CDH18: variants seen among roughly 807,000 people sequenced by gnomAD.
CDH18 encodes cadherin-18.
Under a neutral mutation model 67.9 loss-of-function variants are expected in CDH18, and 31 were observed. The observed-to-expected ratio is 0.46, with a 90% CI of 0.34 to 0.62. CDH18 has a LOEUF of 0.62. Among genes scored for constraint, CDH18 ranks in the 20% least tolerant of loss-of-function variants. The pLI is 0.01. For missense variants in CDH18, 890 were observed against 975.5 expected (o/e 0.91, Z 1.17); for synonymous variants, 362 against 347.2 (o/e 1.04, Z -0.48).
intron 5 of CDH18, among the ~76,000 whole-genome samples, chr5:19,697,071 C>T (rs969853420): frequency 1.3e-5 from 2 of 152,134 alleles, no homozygotes; most frequent in Non-Finnish European, 2.9e-5. Flanking sequence ...AGTGAGTTTG[C>T]TTCTACAAGA....
intron 2 of CDH18, among the ~76,000 whole-genome samples, chr5:19,956,321 TC>T (rs1796253429): frequency 6.6e-6 from 1 of 151,992 alleles, no homozygotes; most frequent in African/African-American, 2.4e-5. Flanking sequence ...TCAATTTTAA[TC>T]TTTTTGATCT....
intron 2 of CDH18, among the ~76,000 whole-genome samples, chr5:20,071,644 A>T (rs1477192252): frequency 6.6e-6 from 1 of 152,144 alleles, no homozygotes; most frequent in Non-Finnish European, 1.5e-5. Flanking sequence ...AATTTGAGCT[A>T]TTGATAGTTA....
At chr5:19,946,990 A>G (rs1795334202) in intron 2 of CDH18, among the ~76,000 whole-genome samples, 1 of 152,166 alleles carries the variant, frequency 6.6e-6, no homozygotes, top group South Asian at 2.1e-4. Context: ...ATTATTTACA[A>G]TCATATCAAT....
chr5:19,810,164 T>C (rs538066413), intron 3 of CDH18, among the ~76,000 whole-genome samples: 127 of 151,918 alleles, frequency 8.4e-4, no homozygotes, highest in African/African-American at 3.0e-3. Flanking sequence ...ACCCCATCTC[T>C]ACTAAAAATA....
rs918505736 is a variant in CDH18 at position 20,420,999 on chromosome 5, G to T, written c.-580+154463C>A. Among the ~76,000 whole-genome samples the T allele has an allele frequency of 1.1e-4, 17 of 151,026 alleles. 1 individual carries two copies. The highest frequency in any genetic ancestry group is 4.2e-4 in the African/African-American group (17 of 40,448). On this transcript the variant is annotated intron_variant, in intron 1 of 14. Transcript: ENST00000507958. ...GTTTGTTTTTTCCTGCTTTAATAAG[G>T]CTTGATTGTTCCTTCTTTTAAGGTG...
At chr5:19,761,276 C>A (rs1489396833) in intron 3 of CDH18, among the ~76,000 whole-genome samples, 1 of 152,188 alleles carries the variant, frequency 6.6e-6, no homozygotes. Flanking sequence ...GAGATAGAAT[C>A]TCTCAGTTCA....
At chr5:19,540,089 G>C (rs1750008825) in intron 9 of CDH18, among the ~76,000 whole-genome samples, 2 of 148,854 alleles carry the variant, frequency 1.3e-5, no homozygotes, top group African/African-American at 5.2e-5. Context: ...TTACTTCCTA[G>C]ACACAATGGG....
At chr5:19,981,564 A>G (rs1799040986) in intron 1 of CDH18, among the ~76,000 whole-genome samples, 1 of 152,304 alleles carries the variant, frequency 6.6e-6, no homozygotes, top group Non-Finnish European at 1.5e-5. Flanking sequence ...CTCTCTTAAT[A>G]AGGGCTGTAA....
At chr5:19,608,412 TTTTAA>T (rs1468460286) in intron 6 of CDH18, among the ~76,000 whole-genome samples, 1 of 151,722 alleles carries the variant, frequency 6.6e-6, no homozygotes, top group Non-Finnish European at 1.5e-5. Flanking sequence ...TTTCTTTTTC[TTTTAA>T]TTTGTTTCAA....
At chr5:19,875,137 T>G (rs1042845510) in intron 2 of CDH18, among the ~76,000 whole-genome samples, 1 of 152,066 alleles carries the variant, frequency 6.6e-6, no homozygotes, top group Non-Finnish European at 1.5e-5. Flanking sequence ...CTGACTTTTT[T>G]AATTCTTGAA....
chr5:20,480,864 A>C (rs1198464920), intron 1 of CDH18, among the ~76,000 whole-genome samples: 2 of 152,202 alleles, frequency 1.3e-5, no homozygotes, highest in East Asian at 3.8e-4. Context: ...ACACATAAAC[A>C]AAAAATAAAA....
Position 20,356,892 on chromosome 5 carries a change from C to T in CDH18, c.-579-101387G>A, listed in dbSNP as rs112495753. Among the ~76,000 whole-genome samples the T allele has an allele frequency of 4.2e-3, 630 of 149,220 alleles. 10 individuals are homozygous for T. Among genetic ancestry groups the T allele is most frequent in the African/African-American group, 0.015 (596 of 40,750 alleles). On this transcript the variant is annotated intron_variant, in intron 1 of 14. Transcript: ENST00000507958. ...ATACTATATATATACTCTATATATA[C>T]ATGCATGTATATATACGTGTGTATA...
intron 3 of CDH18, among the ~76,000 whole-genome samples, chr5:19,823,755 C>T (rs1428516639): frequency 1.3e-5 from 2 of 152,054 alleles, no homozygotes; most frequent in Non-Finnish European, 2.9e-5. Flanking sequence ...AATATTTCAC[C>T]CAACAACCAC....
intron 1 of CDH18, among the ~76,000 whole-genome samples, chr5:20,560,465 T>TCATACA (rs1554019479): frequency 8.7e-5 from 5 of 57,262 alleles, no homozygotes; most frequent in African/African-American, 3.3e-4. Flanking sequence ...CCCCCAACAC[T>TCATACA]CATACACACA....
At chr5:19,615,647 G>A (rs893064919) in intron 5 of CDH18, among the ~76,000 whole-genome samples, 1 of 152,086 alleles carries the variant, frequency 6.6e-6, no homozygotes, top group Non-Finnish European at 1.5e-5. Flanking sequence ...CTACTTCATA[G>A]TATCAAAAAG....
chr5:19,970,110 A>G (rs1341120214), intron 2 of CDH18, among the ~76,000 whole-genome samples: 1 of 151,918 alleles, frequency 6.6e-6, no homozygotes, highest in East Asian at 1.9e-4. Context: ...TGAGAAACAA[A>G]TGGTCAGTAA....
At chr5:20,372,072 T>A (rs534313447) in intron 1 of CDH18, among the ~76,000 whole-genome samples, 1 of 151,982 alleles carries the variant, frequency 6.6e-6, no homozygotes, top group Non-Finnish European at 1.5e-5. Context: ...AAAAGATACA[T>A]TTTTTTTGTA....
intron 2 of CDH18, among the ~76,000 whole-genome samples, chr5:19,960,563 G>GTGTGTGTGTGTGTGTGTA (rs1796697481): frequency 2.3e-5 from 1 of 43,560 alleles, no homozygotes; most frequent in Non-Finnish European, 4.7e-5. Flanking sequence ...GTGTGTGTAT[G>GTGTGTGTGTGTGTGTGTA]TGTGTGTGTG....
intron 1 of CDH18, among the ~76,000 whole-genome samples, chr5:20,549,033 G>T (rs902830911): frequency 6.6e-6 from 1 of 152,078 alleles, no homozygotes; most frequent in African/African-American, 2.4e-5. Context: ...AGACATAGTG[G>T]TCAAATATAA....
Sources: gnomAD v4.1 joint callset for allele counts (sites outside exome capture counted in the v4.1 genomes callset) on GRCh38, gnomAD v4.1.1 for gene constraint, MANE v1.5 for transcripts, NCBI Gene and HGNC (gene_info 2026-07-23, HGNC 2026-07-21) for gene names.